The following GTF3C1 variants were observed in gnomAD, a reference collection of about 807,000 sequenced individuals.
GTF3C1 encodes the protein general transcription factor 3C polypeptide 1.
GTF3C1 carries 57 observed loss-of-function variants against 226.7 expected under a neutral mutation model. The ratio of observed to expected loss-of-function variants is 0.25; its 90% CI spans 0.20 to 0.31. The LOEUF is 0.31. GTF3C1 is among the 10% of genes least tolerant of loss of function. The pLI is 1.00. For missense variants in GTF3C1, 2,217 were observed against 2,776.1 expected, an observed-to-expected ratio of 0.80 and a Z score of 4.53; for synonymous variants, 1,090 against 1,084.8, an observed-to-expected ratio of 1.00 and a Z score of -0.09.
At chr16:27,525,806 T>C (rs1006527409) in intron 6 of GTF3C1, among the ~76,000 whole-genome samples, 20 of 152,248 alleles carry the variant, frequency 1.3e-4, no homozygotes, top group Admixed American at 1.1e-3. Flanking sequence ...AGCAATCTTT[T>C]CTTGTACACC....
At chr16:27,532,181 T>C (rs530583498) in intron 5 of GTF3C1, among the ~76,000 whole-genome samples, 1 of 152,200 alleles carries the variant, frequency 6.6e-6, no homozygotes, top group Non-Finnish European at 1.5e-5. Flanking sequence ...GTCAAATTTA[T>C]TTTTAACAGA....
Position 27,486,168 on chromosome 16 carries a change from AG to A in GTF3C1, c.3701-15del. On this transcript the variant is annotated splice_polypyrimidine_tract_variant and intron_variant, in intron 23 of 36. Transcript: ENST00000356183. ...CTGGGAACTCTCCTAAAAACACCAGAGGGAGAAGGCAGGAGACCTCTAACAC... is the reference window on the plus strand; with the variant it reads ...CTGGGAACTCTCCTAAAAACACCAGAGGAGAAGGCAGGAGACCTCTAACAC... 6.4e-7 allele frequency: 1 copy of A among 1,558,764 alleles called. No homozygotes were observed. Among genetic ancestry groups the A allele is most frequent in the Non-Finnish European group, 8.8e-7 (1 of 1,134,732 alleles).
At chr16:27,481,733 T>C (rs151161391) in intron 26 of GTF3C1, among the ~76,000 whole-genome samples, 1 of 152,212 alleles carries the variant, frequency 6.6e-6, no homozygotes, top group East Asian at 1.9e-4. Context: ...CGCTCCTCCC[T>C]GGCCTGGTGG....
chr16:27,485,991 T>G lies in GTF3C1; in HGVS notation c.3858+6A>C, dbSNP rs1467050123. On this transcript the variant is annotated splice_donor_region_variant and intron_variant, in intron 24 of 36. Transcript: ENST00000356183. ...AGGCCCACCGCTGGGCTGGGCTGGTTGGTACCTTGGTGTTGAGGACATTGC... is the reference window on the plus strand; with the variant it reads ...AGGCCCACCGCTGGGCTGGGCTGGTGGGTACCTTGGTGTTGAGGACATTGC... 1.3e-6 allele frequency: 2 copies of G among 1,593,034 alleles called. No homozygotes were observed. Among genetic ancestry groups the G allele is most frequent in the South Asian group, 1.1e-5 (1 of 89,044 alleles).
chr16:27,511,389 C>T lies in GTF3C1; in HGVS notation c.1126+360G>A, dbSNP rs555272810. Among the ~76,000 whole-genome samples, 7 of 152,372 alleles carry T rather than the reference C, an allele frequency of 4.6e-5. No individual in the cohort carries two copies. In the South Asian group the frequency reaches 1.5e-3, roughly 32 times the overall value. On this transcript the variant is annotated intron_variant, in intron 7 of 36. Transcript: ENST00000356183. ...CTTCCCTGGGCCTCCAGCTCGCAGACGAGCTAGTGCGACTTCTCAGCATTC... is the reference window on the plus strand; with the variant it reads ...CTTCCCTGGGCCTCCAGCTCGCAGATGAGCTAGTGCGACTTCTCAGCATTC...
chr16:27,507,596 A>G lies in GTF3C1; in HGVS notation c.1243-440T>C, dbSNP rs896139324. Among the ~76,000 whole-genome samples, 1 of 152,198 alleles carries G rather than the reference A, an allele frequency of 6.6e-6. No individual in the cohort carries two copies. Among genetic ancestry groups the G allele is most frequent in the Non-Finnish European group, 1.5e-5 (1 of 68,028 alleles). On this transcript the variant is annotated intron_variant, in intron 8 of 36. Coordinates refer to ENST00000356183, the MANE Select transcript of GTF3C1 (RefSeq NM_001520.4). This position sits in a 1 kb window ranked among gnomAD's most constrained non-coding sequence, Gnocchi z 4.9. Reference sequence around the variant, plus strand: ...TGTCGACTGGGCATCAGTGATCCACACCCATTTTAACGTCTAGAACAGGGC... The same window carrying G: ...TGTCGACTGGGCATCAGTGATCCACGCCCATTTTAACGTCTAGAACAGGGC...
chr16:27,488,183 A>T, intron 23 of GTF3C1, 44 bp downstream of exon 23: 1 of 1,564,200 alleles, frequency 6.4e-7, no homozygotes, highest in South Asian at 1.2e-5. Flanking sequence ...CTCCAAGCCA[A>T]AACAAAGACA....
chr16:27,501,080 A>ATTATGTAGCAAATAC, intron 12 of GTF3C1, 111 bp downstream of exon 12: 1 of 879,814 alleles, frequency 1.1e-6, no homozygotes, highest in Non-Finnish European at 1.8e-6. Context: ...GGGAAATTCC[A>ATTATGTAGCAAATAC]AGTCACTGGT....
intron 6 of GTF3C1, 65 bp from the exon 7 acceptor site, chr16:27,511,966 G>A: frequency 1.3e-6 from 2 of 1,566,164 alleles, no homozygotes; most frequent in African/African-American, 1.3e-5. Context: ...GGAGGTGAGG[G>A]GTTCTGAAAT....
rs1383345058 is a variant in GTF3C1 at position 27,462,367 on chromosome 16, C to G, written c.6044G>C (p.Gly2015Ala). ...GCGCAGCAGGGAGCTCTCGGGGATG[C>G]CAGGCCTGGTCATGATGTGGTACAG... ...AMLYHIMTRP[G>A]IPESSLLRHY... is the part of the protein sequence containing the mutation. The change falls in exon 36 of 37, where the codon GGC becomes GCC. Residue 2015 changes from glycine (G) to alanine (A), a missense_variant. Gly to Ala is a moderately conservative substitution (Grantham distance 60). This residue lies in a region of GTF3C1 where 153 missense variants were observed against 199.8 expected (regional missense o/e 0.77). Transcript: ENST00000356183. This position sits in a 1 kb window ranked among gnomAD's most constrained non-coding sequence, Gnocchi z 4.5. The G allele has an allele frequency of 3.1e-6, 5 of 1,595,158 alleles. No individual in the cohort carries two copies.
At chr16:27,498,754 A>T in intron 12 of GTF3C1, 21 bp from the exon 13 acceptor site, 3 of 1,220,936 alleles carry the variant, frequency 2.5e-6, no homozygotes, top group Non-Finnish European at 3.7e-6. Flanking sequence ...AGGTTGGAGC[A>T]TCCCACAGGG....
chr16:27,466,320 T>G (rs2141343231), intron 32 of GTF3C1: 1 of 152,348 alleles, frequency 6.6e-6, no homozygotes, highest in East Asian at 1.9e-4. Flanking sequence ...TTTTCATGAT[T>G]ATCATATCTG....
At position 27,533,316 on chromosome 16, in the gene GTF3C1, G is replaced by T; in HGVS notation, c.824C>A (p.Thr275Lys). 1 of 1,599,684 alleles carries T rather than the reference G, an allele frequency of 6.3e-7. No homozygotes were observed. The highest frequency in any genetic ancestry group is 8.6e-7 in the Non-Finnish European group (1 of 1,166,918). The change falls in exon 5 of 37, where the codon ACG becomes AAG. Residue 275 changes from threonine to lysine, a missense_variant. Thr to Lys is a moderately conservative substitution (Grantham distance 78). Around this residue, in one of 12 missense-constraint regions of GTF3C1, gnomAD observed 163 missense variants for 234.3 expected, o/e 0.70. Coordinates refer to ENST00000356183, the MANE Select transcript of GTF3C1 (RefSeq NM_001520.4). Reference sequence around the variant, plus strand: ...CAGCTCTTCCCTCAGCTTTCCCAGCGTCTCTATGTGGTTAGTCCGTGTGCT... The same window carrying T: ...CAGCTCTTCCCTCAGCTTTCCCAGCTTCTCTATGTGGTTAGTCCGTGTGCT... Reference protein sequence around the residue: ...MLSTRTNHIETLGKLREELGL... With the variant: ...MLSTRTNHIEKLGKLREELGL...
At chr16:27,496,279 T>C (rs1567397861) in intron 14 of GTF3C1, among the ~76,000 whole-genome samples, 1 of 152,168 alleles carries the variant, frequency 6.6e-6, no homozygotes, top group Non-Finnish European at 1.5e-5. Flanking sequence ...CCTCTTTTCT[T>C]TACAAATGAC....
In GTF3C1 at chr16:27,537,849, G is replaced by C; in HGVS notation, c.687C>G (p.Ile229Met). ...NGLITMQSHV[I>M]RLPTGAQQHS... Reference sequence around the variant, plus strand: ...GTTGCTGGGCTCCAGTGGGTAATCGGATCACATGGGACTGCATTGTAATCA... The same window carrying C: ...GTTGCTGGGCTCCAGTGGGTAATCGCATCACATGGGACTGCATTGTAATCA... Residue 229 changes from isoleucine to methionine, a missense_variant, in exon 4 of 37, where the codon ATC becomes ATG. Ile to Met is a conservative substitution (Grantham distance 10). Coordinates refer to ENST00000356183, the MANE Select transcript of GTF3C1 (RefSeq NM_001520.4). 1.2e-6 allele frequency: 2 copies of C among 1,612,562 alleles called. No individual in the cohort carries two copies. The highest frequency in any genetic ancestry group is 1.7e-6 in the Non-Finnish European group (2 of 1,178,522).
chr16:27,482,453 C>G (rs182666377), intron 26 of GTF3C1: 1 of 455,820 alleles, frequency 2.2e-6, no homozygotes, highest in Non-Finnish European at 4.4e-6. Context: ...CTTCCTCTTC[C>G]GGGAGCTGAC....
intron 12 of GTF3C1, among the ~76,000 whole-genome samples, chr16:27,499,312 C>G (rs528465090): frequency 6.6e-6 from 1 of 152,338 alleles, no homozygotes; most frequent in South Asian, 2.1e-4. Context: ...GAGAGATACA[C>G]AGGATGAAAA....
At position 27,461,665 on chromosome 16, in the gene GTF3C1, C is replaced by T. The variant is rs1222120628; in HGVS notation, c.6118-103G>A. ...ATGCCCCCTCTGTACCAGGGAGCCA[C>T]TTCCCAGAGCAGGGGGCACCTGAAC... On this transcript the variant is annotated intron_variant, in intron 36 of 36. Coordinates refer to ENST00000356183, the MANE Select transcript of GTF3C1 (RefSeq NM_001520.4). This position sits in a 1 kb window ranked among gnomAD's most constrained non-coding sequence, Gnocchi z 5.3. The T allele has an allele frequency of 1.2e-6, 1 of 855,704 alleles. No homozygotes were observed. The highest frequency in any genetic ancestry group is 1.7e-5 in the African/African-American group (1 of 60,396). The allele number at this position is 855,704 out of a possible 1,614,324, so 53.0% of individuals were successfully genotyped here. A position where few individuals can be genotyped will look rare whatever the true frequency, so the allele number is the denominator to read the frequency against.
chr16:27,505,998 G>A lies in GTF3C1; in HGVS notation c.1671C>T (p.Ser557=), dbSNP rs773678920. Residue 557 remains serine, a synonymous_variant, in exon 10 of 37, where the codon AGC becomes AGT. Coordinates refer to ENST00000356183, the MANE Select transcript of GTF3C1 (RefSeq NM_001520.4). ...AGGACACGTTGGGTTCTGAGACGCT[G>A]CTGGTATCTAAGAGGCTGTCCCTGC... ...LASRDSLLDT[S]SVSEPNVSFV... 1 of 1,612,752 alleles carries A rather than the reference G, an allele frequency of 6.2e-7. No individual in the cohort carries two copies. The highest frequency in any genetic ancestry group is 1.1e-5 in the South Asian group (1 of 91,072).
Sources: gnomAD v4.1 joint callset for allele counts (sites outside exome capture counted in the v4.1 genomes callset) on GRCh38, gnomAD v4.1.1 for gene constraint, gnomAD v4.1.1 regional missense constraint, Gnocchi (gnomAD v3.1) non-coding constraint, MANE v1.5 for transcripts, NCBI Gene and HGNC (gene_info 2026-07-23, HGNC 2026-07-21) for gene names.